FGGY: variants seen among roughly 807,000 people sequenced by gnomAD.
The protein encoded by FGGY is FGGY carbohydrate kinase domain-containing protein.
FGGY carries 72 observed loss-of-function variants against 71.3 expected under a neutral mutation model. That is an observed-to-expected ratio of 1.01 (90% CI 0.84 to 1.23). The LOEUF (loss-of-function observed/expected upper bound fraction) is 1.23. Among genes scored for constraint, FGGY ranks in the 50% most tolerant of loss-of-function variants. The pLI, the probability that FGGY is intolerant of heterozygous loss-of-function variation, is 0.00. For synonymous variants in FGGY, 251 were observed against 250.3 expected, an observed-to-expected ratio of 1.00 and a Z score of -0.02; for missense variants, 668 against 682.3, an observed-to-expected ratio of 0.98 and a Z score of 0.23.
chr1:59,673,334 A>G (rs1194785682), intron 13 of FGGY, among the ~76,000 whole-genome samples: 1 of 152,154 alleles, frequency 6.6e-6, no homozygotes, highest in East Asian at 1.9e-4. Context: ...GCATGTGGGC[A>G]TCTAGGAGGA....
At chr1:59,595,836 C>CCAGATA (rs2096517139) in intron 8 of FGGY, among the ~76,000 whole-genome samples, 1 of 152,086 alleles carries the variant, frequency 6.6e-6, no homozygotes. Context: ...CAGATGAGCC[C>CCAGATA]CAGATACAGG....
At chr1:59,347,035 A>G (rs1272469818) in intron 4 of FGGY, among the ~76,000 whole-genome samples, 1 of 150,594 alleles carries the variant, frequency 6.6e-6, no homozygotes, top group African/African-American at 2.4e-5. Context: ...CAAAGAAGCA[A>G]TCTCAGAAAA....
chr1:59,658,516 C>T (rs1572772782), intron 11 of FGGY, among the ~76,000 whole-genome samples: 1 of 152,112 alleles, frequency 6.6e-6, no homozygotes, highest in East Asian at 1.9e-4. Flanking sequence ...CATCAACAGA[C>T]TTAGATAAAT....
chr1:59,397,173 C>T (rs1374222621), intron 5 of FGGY, among the ~76,000 whole-genome samples: 1 of 151,988 alleles, frequency 6.6e-6, no homozygotes, highest in African/African-American at 2.4e-5. Flanking sequence ...ATGCAACTGT[C>T]AGAGATACAT....
At chr1:59,445,249 G>T (rs2070965760) in intron 5 of FGGY, among the ~76,000 whole-genome samples, 3 of 152,180 alleles carry the variant, frequency 2.0e-5, no homozygotes, top group African/African-American at 7.2e-5. Flanking sequence ...TGAGATGGGT[G>T]TGGCCACTTG....
At chr1:59,332,732 A>G (rs1467704233) in intron 2 of FGGY, among the ~76,000 whole-genome samples, 1 of 152,302 alleles carries the variant, frequency 6.6e-6, no homozygotes, top group East Asian at 1.9e-4. Flanking sequence ...CATAACATAC[A>G]TTGAAGAAAA....
intron 5 of FGGY, among the ~76,000 whole-genome samples, chr1:59,431,496 A>G (rs537329623): frequency 6.6e-6 from 1 of 152,230 alleles, no homozygotes; most frequent in African/African-American, 2.4e-5. Flanking sequence ...TTATTAGGCT[A>G]TAGCACTAGA....
At chr1:59,748,527 G>A (rs2098219021) in intron 14 of FGGY, among the ~76,000 whole-genome samples, 1 of 152,166 alleles carries the variant, frequency 6.6e-6, no homozygotes, top group African/African-American at 2.4e-5. Flanking sequence ...GCAGCAAGAT[G>A]GCCAGTGTGT....
chr1:59,480,043 G>A (rs1440261094), intron 6 of FGGY, among the ~76,000 whole-genome samples: 2 of 152,052 alleles, frequency 1.3e-5, no homozygotes. Flanking sequence ...ATGCTACCTA[G>A]CCTGTGTTCC....
chr1:59,324,364 C>T (rs2046973981), intron 2 of FGGY, among the ~76,000 whole-genome samples: 1 of 146,052 alleles, frequency 6.8e-6, no homozygotes, highest in Non-Finnish European at 1.5e-5. Context: ...GCAAGCTCCG[C>T]CTCCCGGGTT....
intron 7 of FGGY, among the ~76,000 whole-genome samples, chr1:59,526,398 T>C (rs11809080): frequency 0.072 from 10,999 of 152,274 alleles, 834 homozygotes; most frequent in African/African-American, 0.19. Context: ...GTTGAGCACA[T>C]ACTTTGCCTC....
intron 11 of FGGY, among the ~76,000 whole-genome samples, chr1:59,648,615 A>G (rs1037179030): frequency 1.3e-5 from 2 of 149,020 alleles, no homozygotes; most frequent in African/African-American, 5.2e-5. Flanking sequence ...TTTCTTGTAA[A>G]TTTGGTTGAG....
At chr1:59,711,541 G>GT (rs2097794330) in intron 14 of FGGY, among the ~76,000 whole-genome samples, 2 of 152,210 alleles carry the variant, frequency 1.3e-5, no homozygotes, top group African/African-American at 4.8e-5. Context: ...TTGCACGGGT[G>GT]TATTAGTACA....
At chr1:59,521,036 T>TGGGGGG (rs5774474) in intron 7 of FGGY, among the ~76,000 whole-genome samples, 1 of 130,672 alleles carries the variant, frequency 7.7e-6, no homozygotes, top group Non-Finnish European at 1.6e-5. Flanking sequence ...AAATTGGGGG[T>TGGGGGG]GGGGGGGGAT....
At chr1:59,693,280 C>T (rs1228883148) in intron 14 of FGGY, among the ~76,000 whole-genome samples, 3 of 152,334 alleles carry the variant, frequency 2.0e-5, no homozygotes, top group African/African-American at 7.2e-5. Flanking sequence ...GCATCACTTA[C>T]ATGCTCAGCC....
At chr1:59,535,823 A>ACG in intron 7 of FGGY, among the ~76,000 whole-genome samples, 1 of 149,462 alleles carries the variant, frequency 6.7e-6, no homozygotes, top group African/African-American at 2.5e-5. Flanking sequence ...TCTGGGATGC[A>ACG]TTCAAAGCAG....
intron 1 of FGGY, among the ~76,000 whole-genome samples, chr1:59,306,531 G>T (rs975945030): frequency 6.6e-6 from 1 of 152,202 alleles, no homozygotes; most frequent in Non-Finnish European, 1.5e-5. Flanking sequence ...GGAGAAGCCT[G>T]CCTGGAGAGG....
intron 6 of FGGY, among the ~76,000 whole-genome samples, chr1:59,467,523 T>C (rs2092706449): frequency 6.6e-6 from 1 of 152,096 alleles, no homozygotes; most frequent in Non-Finnish European, 1.5e-5. Context: ...AAACCTATTA[T>C]ACTTTTCCCT....
chr1:59,459,931 T>C (rs1472075895), intron 6 of FGGY, among the ~76,000 whole-genome samples: 1 of 152,194 alleles, frequency 6.6e-6, no homozygotes, highest in African/African-American at 2.4e-5. Flanking sequence ...GGATTCAGTG[T>C]ATTAGCTTAT....
Sources: gnomAD v4.1 joint callset for allele counts (sites outside exome capture counted in the v4.1 genomes callset) on GRCh38, gnomAD v4.1.1 for gene constraint, MANE v1.5 for transcripts, NCBI Gene and HGNC (gene_info 2026-07-23, HGNC 2026-07-21) for gene names.